Variants in ITFG1 observed in about 807,000 individuals in gnomAD.
The protein encoded by ITFG1 is T-cell immunomodulatory protein.
Under a neutral mutation model 81.8 loss-of-function variants are expected in ITFG1, and 34 were observed. The observed-to-expected ratio is 0.42, with a 90% CI of 0.32 to 0.55. The LOEUF (loss-of-function observed/expected upper bound fraction) is 0.55. ITFG1 is among the 20% of genes least tolerant of loss of function. The pLI, the probability that ITFG1 is intolerant of heterozygous loss-of-function variation, is 0.17. For synonymous variants in ITFG1, 285 were observed against 270.6 expected (o/e 1.05, Z -0.52); for missense variants, 672 against 755.4 (o/e 0.89, Z 1.29).
chr16:47,399,568 G>A (rs1325157283), intron 6 of ITFG1, among the ~76,000 whole-genome samples: 4 of 147,050 alleles, frequency 2.7e-5, no homozygotes, highest in East Asian at 2.0e-4. Flanking sequence ...GCGAGACTCC[G>A]TCTCAAAAAA....
intron 5 of ITFG1, chr16:47,449,980 T>TA (rs1969368621): frequency 6.6e-6 from 1 of 152,242 alleles, no homozygotes; most frequent in Non-Finnish European, 1.5e-5. Context: ...TTTCCCTGAC[T>TA]AAAGTGAAGT....
At position 47,154,804 on chromosome 16, in the gene ITFG1, T is replaced by C. The variant is rs2151503113; in HGVS notation, c.*915A>G. Reference sequence around the variant, plus strand: ...ATAAGGATAAGTTTTTGGAGGAAAATTTTTAGGGCACATTAATTCTTGGAG... The same window carrying C: ...ATAAGGATAAGTTTTTGGAGGAAAACTTTTAGGGCACATTAATTCTTGGAG... On this transcript the variant is annotated 3_prime_UTR_variant, in exon 18 of 18. Transcript: ENST00000320640. 6.6e-6 allele frequency: 1 copy of C among 152,300 alleles called. No homozygotes were observed. The highest frequency in any genetic ancestry group is 2.1e-4 in the South Asian group (1 of 4,828). 9.4% of individuals were successfully genotyped at this position (152,300 alleles called of 1,614,324 possible).
chr16:47,187,847 C>T (rs1247343038), intron 14 of ITFG1, among the ~76,000 whole-genome samples: 7 of 151,996 alleles, frequency 4.6e-5, no homozygotes, highest in African/African-American at 1.2e-4. Flanking sequence ...GGGAGAAAAT[C>T]TTCGCAACCT....
At chr16:47,404,306 G>A (rs1968701008) in intron 6 of ITFG1, among the ~76,000 whole-genome samples, 1 of 152,222 alleles carries the variant, frequency 6.6e-6, no homozygotes, top group East Asian at 1.9e-4. Flanking sequence ...ACATAAGAGA[G>A]TATAATTCAG....
intron 11 of ITFG1, 40 bp from the exon 12 acceptor site, chr16:47,258,780 A>G: frequency 1.1e-6 from 1 of 882,766 alleles, no homozygotes; most frequent in Non-Finnish European, 1.7e-6. Context: ...ACAAACTATT[A>G]GACCAACTAA....
intron 7 of ITFG1, among the ~76,000 whole-genome samples, chr16:47,370,256 A>T (rs1968234672): frequency 6.6e-6 from 1 of 152,212 alleles, no homozygotes; most frequent in Admixed American, 6.5e-5. Flanking sequence ...GAAACCAAGC[A>T]GCCAGTTCCG....
chr16:47,164,156 T>C (rs1031990059), intron 14 of ITFG1, among the ~76,000 whole-genome samples: 4 of 152,276 alleles, frequency 2.6e-5, no homozygotes, highest in Non-Finnish European at 5.9e-5. Context: ...TTTGTTGTTT[T>C]GTTACTGTTT....
chr16:47,418,324 G>A (rs1485460598), intron 6 of ITFG1, among the ~76,000 whole-genome samples: 1 of 152,076 alleles, frequency 6.6e-6, no homozygotes, highest in Non-Finnish European at 1.5e-5. Flanking sequence ...TCATTATACA[G>A]GTTGCCTCTT....
intron 14 of ITFG1, among the ~76,000 whole-genome samples, chr16:47,176,852 TA>T: frequency 1.3e-5 from 2 of 152,348 alleles, no homozygotes; most frequent in Admixed American, 1.3e-4. Flanking sequence ...CCTTTTTTGA[TA>T]AGTGATAAAA....
chr16:47,446,157 C>T (rs548072766), intron 5 of ITFG1, among the ~76,000 whole-genome samples: 2 of 152,276 alleles, frequency 1.3e-5, no homozygotes, highest in African/African-American at 4.8e-5. Flanking sequence ...ACTCTTTGTT[C>T]TCTTATTTCC....
chr16:47,316,042 T>C (rs1266644388), intron 8 of ITFG1, among the ~76,000 whole-genome samples: 2 of 152,194 alleles, frequency 1.3e-5, no homozygotes, highest in African/African-American at 4.8e-5. Flanking sequence ...CCGCCTGCCC[T>C]GGCCTCCTAA....
chr16:47,301,033 G>T (rs1027283752), intron 10 of ITFG1, among the ~76,000 whole-genome samples: 4 of 152,098 alleles, frequency 2.6e-5, no homozygotes, highest in African/African-American at 9.7e-5. Context: ...AGCCCTAAAA[G>T]CCCAGGAGTA....
At chr16:47,214,969 C>A (rs1005845481) in intron 14 of ITFG1, among the ~76,000 whole-genome samples, 1 of 151,166 alleles carries the variant, frequency 6.6e-6, no homozygotes, top group Non-Finnish European at 1.5e-5. Flanking sequence ...CACGCACGCA[C>A]AACTAAATAA....
intron 8 of ITFG1, among the ~76,000 whole-genome samples, chr16:47,328,426 C>G (rs973834412): frequency 5.3e-5 from 8 of 151,918 alleles, no homozygotes; most frequent in African/African-American, 1.9e-4. Context: ...ACATATGTAA[C>G]AAACCTGCAC....
intron 6 of ITFG1, among the ~76,000 whole-genome samples, chr16:47,392,759 G>C (rs1596953568): frequency 6.6e-6 from 1 of 152,140 alleles, no homozygotes; most frequent in East Asian, 1.9e-4. Flanking sequence ...TGTTGTAAGG[G>C]GCTTAATAAA....
chr16:47,320,954 A>G (rs1315878988), intron 8 of ITFG1, among the ~76,000 whole-genome samples: 1 of 152,206 alleles, frequency 6.6e-6, no homozygotes, highest in African/African-American at 2.4e-5. Context: ...ATGTTGCTCC[A>G]TAGATGGTGA....
chr16:47,320,336 T>G (rs1967429773), intron 8 of ITFG1, among the ~76,000 whole-genome samples: 1 of 152,236 alleles, frequency 6.6e-6, no homozygotes, highest in African/African-American at 2.4e-5. Flanking sequence ...ATGGCTTCCA[T>G]GTTTTGCTTA....
At chr16:47,201,835 T>C (rs1269209697) in intron 14 of ITFG1, among the ~76,000 whole-genome samples, 3 of 152,220 alleles carry the variant, frequency 2.0e-5, no homozygotes, top group African/African-American at 7.2e-5. Context: ...CCTTGTATTG[T>C]TTATCTTTGT....
chr16:47,378,140 A>G (rs1324480415), intron 6 of ITFG1, among the ~76,000 whole-genome samples: 1 of 152,220 alleles, frequency 6.6e-6, no homozygotes, highest in Non-Finnish European at 1.5e-5. Context: ...AGAATCACTA[A>G]GGGAGGCATG....
Sources: allele counts gnomAD v4.1 joint callset (sites outside exome capture counted in the v4.1 genomes callset), GRCh38; gene constraint gnomAD v4.1.1; transcripts MANE v1.5; gene names NCBI Gene and HGNC (gene_info 2026-07-23, HGNC 2026-07-21).